Variants in KMO observed in about 807,000 individuals in gnomAD.
KMO encodes the protein kynurenine 3-hydroxylase.
KMO carries 24 observed loss-of-function variants against 57.8 expected under a neutral mutation model. That is an observed-to-expected ratio of 0.42 (90% CI 0.30 to 0.58). The LOEUF (loss-of-function observed/expected upper bound fraction) is 0.58. Among genes scored for constraint, KMO ranks in the 20% least tolerant of loss-of-function variants. The pLI is 0.22. For missense variants in KMO, 483 were observed against 588.2 expected (o/e 0.82, Z 1.85); for synonymous variants, 210 against 193.6 (o/e 1.08, Z -0.70).
intron 8 of KMO, 113 bp downstream of exon 8, chr1:241,565,171 C>T: frequency 1.5e-6 from 1 of 649,480 alleles, no homozygotes; most frequent in Non-Finnish European, 2.7e-6. Context: ...TTGTTTAATC[C>T]ATTTAGTGAT....
chr1:241,592,134 C>G lies in KMO; in HGVS notation c.1442C>G (p.Ser481Cys), dbSNP rs1209284502. ...GCCGTGGACTCCCTAGAACAAATTT[C>G]CAATCTCATTAGCAGGTGATAGAAA... ...AKAVDSLEQI[S>C]NLISR The change falls in exon 15 of 15, where the codon TCC becomes TGC. Residue 481 changes from serine to cysteine, a missense_variant. Around this residue, in one of 3 missense-constraint regions of KMO, gnomAD observed 410 missense variants for 492.3 expected, o/e 0.83. Coordinates refer to ENST00000366559, the MANE Select transcript of KMO (RefSeq NM_003679.5). The G allele has an allele frequency of 5.6e-6, 9 of 1,613,570 alleles. No homozygotes were observed. The Admixed American group carries it at 1.5e-4, about 27-fold the overall frequency.
rs761313159 is a variant in KMO, at chr1:241,594,656, T to TC, written c.*2504dup. 1.2e-6 allele frequency: 2 copies of TC among 1,613,816 alleles called. No individual in the cohort carries two copies. The highest frequency in any genetic ancestry group is 2.7e-5 in the African/African-American group (2 of 74,870). ...TAGCAGGCCTCTGGCACCTCAGCAGTCGGAGGCACAGAAGCTGCAAAAGGG... is the reference window on the plus strand; with the variant it reads ...TAGCAGGCCTCTGGCACCTCAGCAGTCCGGAGGCACAGAAGCTGCAAAAGGG... On this transcript the variant is annotated 3_prime_UTR_variant, in exon 15 of 15. Coordinates refer to ENST00000366559, the MANE Select transcript of KMO (RefSeq NM_003679.5).
At chr1:241,587,243 A>G (rs1198928128) in intron 11 of KMO, among the ~76,000 whole-genome samples, 18 of 152,104 alleles carry the variant, frequency 1.2e-4, no homozygotes, top group Admixed American at 1.2e-3. Context: ...TGTGCAGTTC[A>G]CAATAGGGTT....
chr1:241,552,286 G>A (rs1483839799), intron 4 of KMO, among the ~76,000 whole-genome samples: 1 of 152,024 alleles, frequency 6.6e-6, no homozygotes, highest in Non-Finnish European at 1.5e-5. Context: ...AGGAGGAAAC[G>A]GCCCCTCCCG....
intron 10 of KMO, among the ~76,000 whole-genome samples, chr1:241,583,206 T>C (rs1227218531): frequency 6.6e-6 from 1 of 151,814 alleles, no homozygotes; most frequent in Non-Finnish European, 1.5e-5. Flanking sequence ...CAAGCACTCC[T>C]GTGGCCACCA....
chr1:241,549,261 GAAAGA>G lies in KMO; in HGVS notation c.124+366_124+370del, dbSNP rs1558414953. Among the ~76,000 whole-genome samples, 83 of 142,140 alleles carry G rather than the reference GAAAGA, an allele frequency of 5.8e-4. 1 individual carries two copies. Among genetic ancestry groups the G allele is most frequent in the African/African-American group, 2.2e-3 (82 of 38,010 alleles). The allele number at this position is 142,140 out of a possible 152,430, so 93.2% of individuals were successfully genotyped here. A position where few individuals can be genotyped will look rare whatever the true frequency, so the allele number is the denominator to read the frequency against. On this transcript the variant is annotated intron_variant, in intron 2 of 14. Coordinates refer to ENST00000366559, the MANE Select transcript of KMO (RefSeq NM_003679.5). Reference sequence around the variant, plus strand: ...AGAAAGAAAGAAAGAAAGAAAGAAAGAAAGAAAGGAAGGAAGAAAGAAAGAAAGGA... The same window carrying G: ...AGAAAGAAAGAAAGAAAGAAAGAAAGAAGGAAGGAAGAAAGAAAGAAAGGA...
At chr1:241,556,307 T>C (rs945869857) in intron 5 of KMO, among the ~76,000 whole-genome samples, 1 of 152,052 alleles carries the variant, frequency 6.6e-6, no homozygotes, top group Non-Finnish European at 1.5e-5. Flanking sequence ...CCAATTTTTT[T>C]ACATTTTTTT....
At position 241,590,239 on chromosome 1, in the gene KMO, G is replaced by C. The variant is rs377174611; in HGVS notation, c.1236G>C (p.Val412=). The change falls in exon 14 of 15, where the codon GTG becomes GTC. Residue 412 remains valine, a synonymous_variant. Coordinates refer to ENST00000366559, the MANE Select transcript of KMO (RefSeq NM_003679.5). ...TFSRIRYHEA[V]QRWHWQKKVI... ...CCAGAATAAGATACCATGAGGCTGT[G>C]CAGCGTTGGCATTGGCAAAAAAAGG... 2 of 1,613,712 alleles carry C rather than the reference G, an allele frequency of 1.2e-6. No homozygotes were observed. Among genetic ancestry groups the C allele is most frequent in the African/African-American group, 2.7e-5 (2 of 74,898 alleles).
In KMO at chr1:241,594,763, A is replaced by G. The variant is rs904647902; in HGVS notation, c.*2610A>G. 2.0e-6 allele frequency: 3 copies of G among 1,533,440 alleles called. No homozygotes were observed. The African/African-American group carries it at 4.1e-5, about 21-fold the overall frequency. The allele number at this position is 1,533,440 out of a possible 1,614,324, so 95.0% of individuals were successfully genotyped here. A position where few individuals can be genotyped will look rare whatever the true frequency, so the allele number is the denominator to read the frequency against. On this transcript the variant is annotated 3_prime_UTR_variant, in exon 15 of 15. Coordinates refer to ENST00000366559, the MANE Select transcript of KMO (RefSeq NM_003679.5). ...CTAATCTGGATTAACATTCGAGGAA[A>G]TCAGTTGAGCTGAATTTAAGTTGTT...
intron 10 of KMO, among the ~76,000 whole-genome samples, chr1:241,574,662 G>A (rs1457583950): frequency 3.3e-5 from 5 of 151,874 alleles, no homozygotes; most frequent in Non-Finnish European, 5.9e-5. Flanking sequence ...TGTTGGATTT[G>A]GTTAGCTAGT....
Position 241,562,325 on chromosome 1 carries a change from A to G in KMO, c.608A>G (p.Asn203Ser). 6.2e-7 allele frequency: 1 copy of G among 1,614,010 alleles called. No individual in the cohort carries two copies. The highest frequency in any genetic ancestry group is 8.5e-7 in the Non-Finnish European group (1 of 1,179,914). ...ATGGAGTTGACTATTCCACCTAAGA[A>G]CGGAGATGTAAGTCCTTGCCCTTTT... Reference protein sequence around the residue: ...GYMELTIPPKNGDYAMEPNYL... With the variant: ...GYMELTIPPKSGDYAMEPNYL... Residue 203 changes from asparagine to serine, a missense_variant, in exon 7 of 15, where the codon AAC becomes AGC. Physicochemically the swap from Asn to Ser is conservative, Grantham distance 46. Transcript: ENST00000366559.
intron 1 of KMO, among the ~76,000 whole-genome samples, chr1:241,545,698 G>A (rs1661121857): frequency 6.6e-6 from 1 of 152,152 alleles, no homozygotes; most frequent in Non-Finnish European, 1.5e-5. Context: ...AAGTTGGAAG[G>A]ATGCAATTTA....
At chr1:241,546,427 C>A (rs1206864004) in intron 1 of KMO, among the ~76,000 whole-genome samples, 1 of 152,116 alleles carries the variant, frequency 6.6e-6, no homozygotes, top group Non-Finnish European at 1.5e-5. Context: ...TACACCATCA[C>A]CCTAAATTAC....
intron 14 of KMO, 86 bp downstream of exon 14, chr1:241,590,349 C>A: frequency 1.8e-6 from 2 of 1,109,140 alleles, no homozygotes; most frequent in Non-Finnish European, 2.7e-6. Context: ...CCAACAAATA[C>A]AGAAATAATG....
chr1:241,574,738 A>G (rs542483763), intron 10 of KMO, among the ~76,000 whole-genome samples: 3 of 151,566 alleles, frequency 2.0e-5, no homozygotes, highest in Non-Finnish European at 4.4e-5. Flanking sequence ...TTTCTTTGTT[A>G]TGTCTTCTCC....
intron 1 of KMO, among the ~76,000 whole-genome samples, chr1:241,546,568 AT>A (rs2147945737): frequency 6.6e-6 from 1 of 152,338 alleles, no homozygotes; most frequent in East Asian, 1.9e-4. Flanking sequence ...AGATGGGTAG[AT>A]GGAAAAACAT....
chr1:241,534,873 G>T (rs6698519), intron 1 of KMO, among the ~76,000 whole-genome samples: 12,365 of 152,102 alleles, frequency 0.081, 871 homozygotes, highest in African/African-American at 0.19. Flanking sequence ...CAAAGGTCTT[G>T]TCTGAACTAA....
chr1:241,543,151 C>CA (rs1661016759), intron 1 of KMO, among the ~76,000 whole-genome samples: 1 of 152,090 alleles, frequency 6.6e-6, no homozygotes. Context: ...GGCCATGAAT[C>CA]TACTACTCAA....
chr1:241,574,468 T>C (rs1304819127), intron 10 of KMO, among the ~76,000 whole-genome samples: 1 of 152,116 alleles, frequency 6.6e-6, no homozygotes, highest in African/African-American at 2.4e-5. Flanking sequence ...TTGAAGGTTT[T>C]CATCATAAAG....
Sources: allele counts gnomAD v4.1 joint callset (sites outside exome capture counted in the v4.1 genomes callset), GRCh38; gene constraint gnomAD v4.1.1; regional missense constraint gnomAD v4.1.1; transcripts MANE v1.5; gene names NCBI Gene and HGNC (gene_info 2026-07-23, HGNC 2026-07-21).